Variants in SVOP observed in about 807,000 individuals in gnomAD.
SVOP encodes the protein SV2 related protein.
In SVOP, 17 loss-of-function variants were observed where a neutral mutation model predicts 69.1. That is an observed-to-expected ratio of 0.25 (90% confidence interval 0.17 to 0.37). SVOP has a LOEUF of 0.37. Ranked by LOEUF, SVOP falls within the 10% of genes least tolerant of loss-of-function variation. SVOP has a pLI of 1.00. For missense variants in SVOP, 435 were observed against 597.5 expected (o/e 0.73, Z 2.84); for synonymous variants, 238 against 238.6 (o/e 1.00, Z 0.02).
At chr12:108,945,761 A>G (rs1168582799) in intron 6 of SVOP, among the ~76,000 whole-genome samples, 1 of 152,104 alleles carries the variant, frequency 6.6e-6, no homozygotes, top group African/African-American at 2.4e-5. Flanking sequence ...CCATAATCCA[A>G]TAAGTCCAGG....
chr12:108,936,852 C>T (rs1000002660), intron 10 of SVOP: 2 of 190,952 alleles, frequency 1.0e-5, no homozygotes, highest in Non-Finnish European at 2.2e-5. Context: ...TGATATTTCT[C>T]TTTAAGAGTG....
intron 5 of SVOP, among the ~76,000 whole-genome samples, chr12:108,962,507 T>C (rs543897881): frequency 6.6e-6 from 1 of 151,988 alleles, no homozygotes. Flanking sequence ...AGAAATGGAG[T>C]GTTGCTATGT....
At chr12:109,010,986 C>T (rs1353155881) in intron 1 of SVOP, among the ~76,000 whole-genome samples, 2 of 152,108 alleles carry the variant, frequency 1.3e-5, no homozygotes, top group Non-Finnish European at 2.9e-5. Flanking sequence ...GTGATCTCAG[C>T]TCACTTCAAC....
At chr12:108,966,686 C>T (rs2040047499) in intron 5 of SVOP, among the ~76,000 whole-genome samples, 1 of 152,062 alleles carries the variant, frequency 6.6e-6, no homozygotes. Context: ...TCCCTCTGGT[C>T]AGGCCGGTTT....
chr12:108,991,199 A>G (rs1232596947), intron 1 of SVOP, among the ~76,000 whole-genome samples: 1 of 152,206 alleles, frequency 6.6e-6, no homozygotes, highest in Non-Finnish European at 1.5e-5. Context: ...CTTAGGAGCA[A>G]AGGCTTGGTG....
At chr12:108,950,645 G>A (rs145519856) in intron 6 of SVOP, among the ~76,000 whole-genome samples, 3,707 of 151,482 alleles carry the variant, frequency 0.024, 63 homozygotes, top group Middle Eastern at 0.086. Context: ...GCTTCCTTCT[G>A]AAGTGCTGGG....
intron 1 of SVOP, among the ~76,000 whole-genome samples, chr12:109,001,425 C>T (rs1420367493): frequency 2.6e-5 from 4 of 151,420 alleles, no homozygotes; most frequent in Non-Finnish European, 5.9e-5. Flanking sequence ...ATAAAGCTAC[C>T]AATGACTTTC....
chr12:108,968,994 A>G (rs1185604047), intron 5 of SVOP, among the ~76,000 whole-genome samples: 2 of 152,028 alleles, frequency 1.3e-5, no homozygotes, highest in Non-Finnish European at 2.9e-5. Flanking sequence ...GGGTTTCGCC[A>G]TGTTGCCTAG....
At chr12:108,921,072 C>T (rs1224352446) in intron 12 of SVOP, among the ~76,000 whole-genome samples, 2 of 147,448 alleles carry the variant, frequency 1.4e-5, no homozygotes, top group Non-Finnish European at 2.9e-5. Flanking sequence ...TAAAACAATA[C>T]ACATAGTAAA....
chr12:109,017,724 A>T (rs1328964705), intron 1 of SVOP, among the ~76,000 whole-genome samples: 1 of 151,918 alleles, frequency 6.6e-6, no homozygotes, highest in African/African-American at 2.4e-5. Flanking sequence ...TTGTATTTTT[A>T]GTAGAGACAG....
chr12:109,012,178 G>T (rs1370280542), intron 1 of SVOP, among the ~76,000 whole-genome samples: 1 of 152,076 alleles, frequency 6.6e-6, no homozygotes, highest in East Asian at 1.9e-4. Flanking sequence ...AGCTACTCAG[G>T]AGGCTGAGGC....
chr12:109,013,958 C>T (rs1336905085), intron 1 of SVOP, among the ~76,000 whole-genome samples: 2 of 150,958 alleles, frequency 1.3e-5, no homozygotes, highest in African/African-American at 2.4e-5. Context: ...TTTGTGACTG[C>T]TTTATTTGCA....
intron 11 of SVOP, among the ~76,000 whole-genome samples, chr12:108,930,023 C>A (rs2039806271): frequency 6.6e-6 from 1 of 152,208 alleles, no homozygotes; most frequent in Non-Finnish European, 1.5e-5. Flanking sequence ...CAGGGGTTGG[C>A]AAACTCTGAC....
chr12:108,933,551 C>G (rs2039836010), intron 11 of SVOP, among the ~76,000 whole-genome samples: 1 of 151,154 alleles, frequency 6.6e-6, no homozygotes, highest in South Asian at 2.1e-4. Context: ...CATGGTGGTG[C>G]CACCTGTAAT....
intron 6 of SVOP, among the ~76,000 whole-genome samples, chr12:108,949,254 G>C (rs2039940929): frequency 6.8e-6 from 1 of 146,788 alleles, no homozygotes; most frequent in South Asian, 2.2e-4. Context: ...ACTAATCAGA[G>C]TTTGCTTTGC....
intron 1 of SVOP, among the ~76,000 whole-genome samples, chr12:108,996,879 C>T (rs903736644): frequency 1.1e-4 from 16 of 152,156 alleles, no homozygotes; most frequent in Admixed American, 6.5e-5. Context: ...TTGCAGTGGG[C>T]TGTGATTACA....
chr12:109,016,674 T>A (rs2040369309), intron 1 of SVOP, among the ~76,000 whole-genome samples: 1 of 152,014 alleles, frequency 6.6e-6, no homozygotes, highest in Non-Finnish European at 1.5e-5. Context: ...TGTCACTTCC[T>A]CAGGGAAGCC....
chr12:108,947,595 C>A (rs2039932685), intron 6 of SVOP, among the ~76,000 whole-genome samples: 1 of 152,106 alleles, frequency 6.6e-6, no homozygotes. Context: ...CTTAATGTAA[C>A]CAGCATCCCA....
At chr12:108,946,024 C>A (rs1175894576) in intron 6 of SVOP, among the ~76,000 whole-genome samples, 1 of 152,200 alleles carries the variant, frequency 6.6e-6, no homozygotes, top group Non-Finnish European at 1.5e-5. Context: ...GAACCTCTAC[C>A]CACCAGCTTT....
Sources: gnomAD v4.1 joint callset for allele counts (sites outside exome capture counted in the v4.1 genomes callset) on GRCh38, gnomAD v4.1.1 for gene constraint, MANE v1.5 for transcripts, NCBI Gene and HGNC (gene_info 2026-07-23, HGNC 2026-07-21) for gene names.